Variants in SRPK1 observed in about 807,000 individuals in gnomAD.
SRPK1 encodes the protein SRSF protein kinase 1.
Under a neutral mutation model 89.5 loss-of-function variants are expected in SRPK1, and 52 were observed. That is an observed-to-expected ratio of 0.58 (90% confidence interval 0.46 to 0.73). SRPK1 has a LOEUF of 0.73. Among genes scored for constraint, SRPK1 ranks in the 30% least tolerant of loss-of-function variants. The pLI, the probability that SRPK1 is intolerant of heterozygous loss-of-function variation, is 0.00. For missense variants in SRPK1, 603 were observed against 780.6 expected (o/e 0.77, Z 2.71); for synonymous variants, 255 against 270.2 (o/e 0.94, Z 0.55).
At chr6:35,909,262 A>C (rs1236934980) in intron 2 of SRPK1, among the ~76,000 whole-genome samples, 1 of 152,254 alleles carries the variant, frequency 6.6e-6, no homozygotes, top group Non-Finnish European at 1.5e-5. Flanking sequence ...TGAGACACAG[A>C]GTCAAAGGAG....
intron 6 of SRPK1, among the ~76,000 whole-genome samples, chr6:35,875,628 GAAGA>G (rs1047341305): frequency 6.6e-6 from 1 of 152,128 alleles, no homozygotes; most frequent in African/African-American, 2.4e-5. Flanking sequence ...CTTCTTTAGA[GAAGA>G]AAGCCAAATA....
In SRPK1 at chr6:35,874,285, T is replaced by G. The variant is rs1340756471; in HGVS notation, c.533A>C (p.Lys178Thr). ...CAGTGGAAGCCCCTGATAATTGGAT[T>G]TGATGATCCACTTGAGCAGATGATG... ...LGHHLLKWII[K>T]SNYQGLPLPC... Residue 178 changes from lysine to threonine, a missense_variant, in exon 7 of 16, where the codon AAA becomes ACA. Transcript: ENST00000373825. 3.1e-6 allele frequency: 5 copies of G among 1,613,506 alleles called. No homozygotes were observed. In the Admixed American group the frequency reaches 8.3e-5, roughly 27 times the overall value.
intron 2 of SRPK1, among the ~76,000 whole-genome samples, chr6:35,900,340 T>C (rs370171590): frequency 6.6e-6 from 1 of 152,206 alleles, no homozygotes; most frequent in South Asian, 2.1e-4. Flanking sequence ...ATTTTAGCAT[T>C]GTAGGTAGAA....
intron 2 of SRPK1, among the ~76,000 whole-genome samples, chr6:35,918,691 C>T (rs1771165862): frequency 6.6e-6 from 1 of 152,278 alleles, no homozygotes; most frequent in South Asian, 2.1e-4. Context: ...GCTAGATTAT[C>T]TATAATCCAT....
chr6:35,846,025 C>A (rs1049086752), intron 13 of SRPK1, among the ~76,000 whole-genome samples: 1 of 152,116 alleles, frequency 6.6e-6, no homozygotes, highest in African/African-American at 2.4e-5. Context: ...GAGGCTGGAA[C>A]AATAAAGTCT....
chr6:35,888,720 A>C, intron 4 of SRPK1, 95 bp downstream of exon 4: 206 of 801,986 alleles, frequency 2.6e-4, no homozygotes, highest in East Asian at 3.8e-4. Flanking sequence ...GAATCAGGCT[A>C]GAGATAGATT....
intron 12 of SRPK1, among the ~76,000 whole-genome samples, chr6:35,868,638 A>G (rs935920024): frequency 1.3e-5 from 2 of 152,222 alleles, no homozygotes; most frequent in African/African-American, 4.8e-5. Flanking sequence ...GTTACAATTT[A>G]TAAGTTAGTC....
chr6:35,872,498 C>A (rs539436522), intron 8 of SRPK1, 65 bp downstream of exon 8: 15 of 1,409,398 alleles, frequency 1.1e-5, no homozygotes, highest in Non-Finnish European at 1.3e-5. Context: ...TCCCTGGTAA[C>A]AGAATAAAAA....
intron 2 of SRPK1, among the ~76,000 whole-genome samples, chr6:35,896,898 T>C (rs915574283): frequency 2.6e-5 from 4 of 152,104 alleles, no homozygotes; most frequent in South Asian, 4.1e-4. Context: ...GATGTACTGA[T>C]ACCTGCTTTA....
intron 2 of SRPK1, among the ~76,000 whole-genome samples, chr6:35,914,607 C>G (rs1323431094): frequency 6.6e-6 from 1 of 152,130 alleles, no homozygotes; most frequent in African/African-American, 2.4e-5. Flanking sequence ...CCACCTATCA[C>G]CTAATATACT....
intron 6 of SRPK1, among the ~76,000 whole-genome samples, chr6:35,885,559 A>T (rs1770390986): frequency 6.6e-6 from 1 of 152,166 alleles, no homozygotes. Context: ...GAAACTAGTC[A>T]TATGTAGTCC....
chr6:35,869,179 T>C, intron 11 of SRPK1, 69 bp from the exon 12 acceptor site: 1 of 1,313,818 alleles, frequency 7.6e-7, no homozygotes, highest in South Asian at 1.3e-5. Context: ...GTAATAAAGC[T>C]CTCCAAGGTA....
rs752163732 is a variant in SRPK1, at chr6:35,886,675, T to C, written c.478+49A>G. 9 of 1,161,534 alleles carry C rather than the reference T, an allele frequency of 7.7e-6. 1 individual carries two copies. Among genetic ancestry groups the C allele is most frequent in the South Asian group, 7.7e-5 (6 of 77,576 alleles). 72.0% of individuals were successfully genotyped at this position (1,161,534 alleles called of 1,614,324 possible). Reference sequence around the variant, plus strand: ...ATCTACACAACAAATCTAGTTCCTTTCTTTGGGATTGGGATGATTTATTCT... The same window carrying C: ...ATCTACACAACAAATCTAGTTCCTTCCTTTGGGATTGGGATGATTTATTCT... On this transcript the variant is annotated intron_variant, in intron 6 of 15. Transcript: ENST00000373825.
At chr6:35,859,921 C>G (rs1197622242) in intron 12 of SRPK1, among the ~76,000 whole-genome samples, 1 of 150,100 alleles carries the variant, frequency 6.7e-6, no homozygotes, top group African/African-American at 2.5e-5. Flanking sequence ...TGCAGTGGTG[C>G]GATCTTGGCT....
At position 35,886,713 on chromosome 6, in the gene SRPK1, T is replaced by C; in HGVS notation, c.478+11A>G. On this transcript the variant is annotated intron_variant, in intron 6 of 15. Transcript: ENST00000373825. ...GATGATTTATTCTCAAATAGGTTTTTAAAAGGATACGTGTTCCATTAACTC... is the reference window on the plus strand; with the variant it reads ...GATGATTTATTCTCAAATAGGTTTTCAAAAGGATACGTGTTCCATTAACTC... 1 of 1,501,534 alleles carries C rather than the reference T, an allele frequency of 6.7e-7. No individual in the cohort carries two copies. Among genetic ancestry groups the C allele is most frequent in the Non-Finnish European group, 9.3e-7 (1 of 1,079,910 alleles). 93.0% of individuals were successfully genotyped at this position (1,501,534 alleles called of 1,614,324 possible).
At chr6:35,875,899 A>G (rs780068224) in intron 6 of SRPK1, among the ~76,000 whole-genome samples, 1 of 152,178 alleles carries the variant, frequency 6.6e-6, no homozygotes, top group Non-Finnish European at 1.5e-5. Flanking sequence ...ACCACCAATG[A>G]TAAGCACAAA....
At chr6:35,891,505 A>T (rs532614910) in intron 2 of SRPK1, among the ~76,000 whole-genome samples, 1 of 152,216 alleles carries the variant, frequency 6.6e-6, no homozygotes, top group African/African-American at 2.4e-5. Flanking sequence ...GGATCACCTG[A>T]GGTCAGGAGT....
At chr6:35,839,684 C>CTT (rs371918821) in intron 14 of SRPK1, among the ~76,000 whole-genome samples, 154 of 136,650 alleles carry the variant, frequency 1.1e-3, no homozygotes, top group Middle Eastern at 3.7e-3. Context: ...GAATATAAAA[C>CTT]TTTTTTTTTT....
chr6:35,832,973 C>T lies in SRPK1; in HGVS notation c.*2331G>A, dbSNP rs932732554. 2.0e-5 allele frequency: 3 copies of T among 152,366 alleles called. No homozygotes were observed. In the Admixed American group the frequency reaches 2.0e-4, roughly 10 times the overall value. 9.4% of individuals were successfully genotyped at this position (152,366 alleles called of 1,614,324 possible). A position where few individuals can be genotyped will look rare whatever the true frequency, so the allele number is the denominator to read the frequency against. On this transcript the variant is annotated 3_prime_UTR_variant, in exon 16 of 16. Coordinates refer to ENST00000373825, the MANE Select transcript of SRPK1 (RefSeq NM_003137.5). ...AAAAGCATACTCAACCAATCTTTTC[C>T]TCCTTTTACTCAGGGCAGAGCAATT... is the stretch of plus-strand genomic sequence containing the variant.
Sources: allele counts gnomAD v4.1 joint callset (sites outside exome capture counted in the v4.1 genomes callset), GRCh38; gene constraint gnomAD v4.1.1; transcripts MANE v1.5; gene names NCBI Gene and HGNC (gene_info 2026-07-23, HGNC 2026-07-21).